The following GNB4 variants were observed in gnomAD, a reference collection of about 807,000 sequenced individuals.
The protein encoded by GNB4 is G protein subunit beta 4.
A neutral mutation model predicts 45.2 loss-of-function variants in GNB4; 28 were observed. The observed-to-expected ratio is 0.62, with a 90% CI of 0.46 to 0.85. The LOEUF (loss-of-function observed/expected upper bound fraction) is 0.85, where lower values mean the gene tolerates loss of function less well. Among genes scored for constraint, GNB4 ranks in the 40% least tolerant of loss-of-function variants. The pLI is 0.00. For synonymous variants in GNB4, 132 were observed against 143.7 expected (o/e 0.92, Z 0.58); for missense variants, 321 against 425.4 (o/e 0.75, Z 2.16).
chr3:179,458,296 C>T, the GNB4 span, among the ~76,000 whole-genome samples: 1 of 152,168 alleles, frequency 6.6e-6, no homozygotes, highest in African/African-American at 2.4e-5. Context: ...GCTTCTGGAG[C>T]AATTCACTCT....
chr3:179,401,180 T>G lies in GNB4; in HGVS notation c.*33A>C. On this transcript the variant is annotated 3_prime_UTR_variant, in exon 10 of 10. Coordinates refer to ENST00000232564, the MANE Select transcript of GNB4 (RefSeq NM_021629.4). ...AGGCTGTAGCATTGATTTCTCCAGA[T>G]ATATCAATGGAGAACAAATATGTAT... 7.0e-7 allele frequency: 1 copy of G among 1,438,746 alleles called. No homozygotes were observed. The highest frequency in any genetic ancestry group is 9.7e-7 in the Non-Finnish European group (1 of 1,026,740). The allele number at this position is 1,438,746 out of a possible 1,614,324, so 89.1% of individuals were successfully genotyped here.
the GNB4 span, among the ~76,000 whole-genome samples, chr3:179,463,790 C>T: frequency 6.6e-6 from 1 of 152,162 alleles, no homozygotes; most frequent in Non-Finnish European, 1.5e-5. Context: ...TGCTAGTTAC[C>T]TTCATGGTCT....
chr3:179,405,793 T>C (rs2108580557), intron 8 of GNB4: 1 of 162,984 alleles, frequency 6.1e-6, no homozygotes, highest in Admixed American at 6.0e-5. Flanking sequence ...TATAGGGTTA[T>C]AAGGACCCCT....
At chr3:179,435,460 C>T (rs555546718) in intron 1 of GNB4, among the ~76,000 whole-genome samples, 117 of 111,154 alleles carry the variant, frequency 1.1e-3, no homozygotes, top group Middle Eastern at 5.6e-3. Flanking sequence ...CACACCATTC[C>T]TTTCTTTTAC....
chr3:179,466,106 G>A, the GNB4 span, among the ~76,000 whole-genome samples: 2 of 146,530 alleles, frequency 1.4e-5, no homozygotes, highest in East Asian at 4.3e-4. Flanking sequence ...TGCCTCTCGG[G>A]TTCGAACAAT....
the GNB4 span, among the ~76,000 whole-genome samples, chr3:179,473,419 T>C: frequency 6.6e-6 from 1 of 151,974 alleles, no homozygotes; most frequent in African/African-American, 2.4e-5. Flanking sequence ...AATTATTTCA[T>C]TTATTTTATT....
chr3:179,514,525 T>C, the GNB4 span, among the ~76,000 whole-genome samples: 1 of 152,158 alleles, frequency 6.6e-6, no homozygotes, highest in Non-Finnish European at 1.5e-5. Flanking sequence ...CAAATTCATA[T>C]GTTGAATCCC....
intron 1 of GNB4, among the ~76,000 whole-genome samples, chr3:179,444,423 GTT>G (rs34220563): frequency 1.3e-4 from 18 of 135,024 alleles, no homozygotes; most frequent in Admixed American, 2.2e-4. Context: ...TTTTCAGGGT[GTT>G]TTTTTTTTTT....
the GNB4 span, among the ~76,000 whole-genome samples, chr3:179,479,949 C>T: frequency 6.6e-6 from 1 of 152,128 alleles, no homozygotes; most frequent in African/African-American, 2.4e-5. Context: ...TCCCTCTGCC[C>T]ACGTGAATGG....
upstream of GNB4, among the ~76,000 whole-genome samples, chr3:179,453,883 A>C (rs946581377): frequency 2.6e-5 from 4 of 152,194 alleles, no homozygotes; most frequent in Non-Finnish European, 5.9e-5. Context: ...TTAAAGGACA[A>C]GCCTATACTG....
the GNB4 span, among the ~76,000 whole-genome samples, chr3:179,495,770 C>T: frequency 6.6e-6 from 1 of 152,114 alleles, no homozygotes; most frequent in Non-Finnish European, 1.5e-5. Flanking sequence ...GTGGATTTCT[C>T]AGCAGAAACC....
intron 2 of GNB4, among the ~76,000 whole-genome samples, chr3:179,424,939 C>T (rs1271227819): frequency 6.6e-6 from 1 of 152,192 alleles, no homozygotes; most frequent in Non-Finnish European, 1.5e-5. Flanking sequence ...ACAAATTCTT[C>T]AGAAACAGCT....
At chr3:179,412,795 T>C (rs1307235330) in intron 8 of GNB4, among the ~76,000 whole-genome samples, 2 of 151,970 alleles carry the variant, frequency 1.3e-5, no homozygotes, top group Admixed American at 6.6e-5. Flanking sequence ...TCATCTGAAT[T>C]CACTGGTAGA....
upstream of GNB4, among the ~76,000 whole-genome samples, chr3:179,453,285 T>A (rs149915195): frequency 0.011 from 1,696 of 152,244 alleles, 20 homozygotes; most frequent in African/African-American, 0.039. Context: ...CACGCCCGGC[T>A]GATTTTTTGT....
At chr3:179,404,234 C>T (rs1714395154) in intron 9 of GNB4, among the ~76,000 whole-genome samples, 1 of 152,196 alleles carries the variant, frequency 6.6e-6, no homozygotes, top group Admixed American at 6.5e-5. Context: ...ATTATGTAAA[C>T]AGTGAATGTG....
the GNB4 span, among the ~76,000 whole-genome samples, chr3:179,472,856 T>C: frequency 6.6e-6 from 1 of 152,166 alleles, no homozygotes; most frequent in African/African-American, 2.4e-5. Flanking sequence ...GGACACCAAA[T>C]TCACTCTTTG....
chr3:179,517,920 C>A, the GNB4 span, among the ~76,000 whole-genome samples: 1 of 152,164 alleles, frequency 6.6e-6, no homozygotes, highest in Non-Finnish European at 1.5e-5. Flanking sequence ...CTGCCTTGGT[C>A]CTTCACCCTT....
chr3:179,401,361 T>C, intron 9 of GNB4, 42 bp from the exon 10 acceptor site: 1 of 1,364,024 alleles, frequency 7.3e-7, no homozygotes, highest in Non-Finnish European at 1.0e-6. Flanking sequence ...TTGTAGGGTT[T>C]TAGAATTAAA....
the GNB4 span, among the ~76,000 whole-genome samples, chr3:179,526,310 G>A: frequency 6.6e-6 from 1 of 152,196 alleles, no homozygotes; most frequent in Non-Finnish European, 1.5e-5. Context: ...GCAGGTCACA[G>A]GGGATATGAT....
Sources: allele counts gnomAD v4.1 joint callset (sites outside exome capture counted in the v4.1 genomes callset), GRCh38; gene constraint gnomAD v4.1.1; transcripts MANE v1.5; gene names NCBI Gene and HGNC (gene_info 2026-07-23, HGNC 2026-07-21).